The following LTBR variants were observed in gnomAD, a reference collection of about 807,000 sequenced individuals.
LTBR encodes tumor necrosis factor receptor superfamily member 3.
In LTBR, 15 loss-of-function variants were observed where a neutral mutation model predicts 45.4. The ratio of observed to expected loss-of-function variants is 0.33; its 90% CI spans 0.22 to 0.51. The LOEUF is 0.51. Ranked by LOEUF, LTBR falls within the 20% of genes least tolerant of loss-of-function variation. The pLI is 0.97. For synonymous variants in LTBR, 228 were observed against 231.0 expected (o/e 0.99, Z 0.12); for missense variants, 450 against 565.5 (o/e 0.80, Z 2.07).
chr12:6,384,870 T>G (rs1949020795), intron 2 of LTBR, 152 bp from the exon 3 acceptor site: 1 of 1,122,670 alleles, frequency 8.9e-7, no homozygotes, highest in African/African-American at 1.5e-5. Context: ...GGCCTCCTCT[T>G]TCCTTACCTC....
chr12:6,384,324 C>T lies in LTBR; in HGVS notation c.-35C>T, dbSNP rs1326773501. 3 of 1,457,866 alleles carry T rather than the reference C, an allele frequency of 2.1e-6. No homozygotes were observed. The Admixed American group carries it at 8.0e-5, about 39-fold the overall frequency. The allele number at this position is 1,457,866 out of a possible 1,614,324, so 90.3% of individuals were successfully genotyped here. Reference sequence around the variant, plus strand: ...CGGGCCTCCTGCCTTCCTCCCAGGCCCCCACGTTGCTGGCCGCCTGGCCGA... The same window carrying T: ...CGGGCCTCCTGCCTTCCTCCCAGGCTCCCACGTTGCTGGCCGCCTGGCCGA... On this transcript the variant is annotated 5_prime_UTR_variant, in exon 1 of 10. Coordinates refer to ENST00000228918, the MANE Select transcript of LTBR (RefSeq NM_002342.3).
In LTBR at chr12:6,386,152, C is replaced by T; in HGVS notation, c.559C>T (p.Pro187Ser). ...NTSSPSARCQ[P>S]HTRCENQGLV... ...CTCCTCCCCCAGCGCCCGCTGCCAG[C>T]CCCACACCAGGTGAGTGCAGCCCCA... The change falls in exon 5 of 10, where the codon CCC becomes TCC. Residue 187 changes from proline to serine, a missense_variant. This residue lies in a region of LTBR where 367 missense variants were observed against 435.4 expected (regional missense o/e 0.84). Transcript: ENST00000228918. This position sits in a 1 kb window ranked among gnomAD's most constrained non-coding sequence, Gnocchi z 4.1. The T allele has an allele frequency of 1.2e-6, 2 of 1,613,134 alleles. No homozygotes were observed. The highest frequency in any genetic ancestry group is 1.7e-6 in the Non-Finnish European group (2 of 1,179,172).
At chr12:6,375,867 C>T (rs1948897885) in intron 1 of LTBR, 1 of 1,303,928 alleles carries the variant, frequency 7.7e-7, no homozygotes, top group Non-Finnish European at 9.7e-7. Flanking sequence ...GGGTGGGGAA[C>T]CGGGAGGACA....
At chr12:6,387,675 G>A (rs188447648) in intron 6 of LTBR, 2 of 261,720 alleles carry the variant, frequency 7.6e-6, no homozygotes, top group South Asian at 6.2e-5. Flanking sequence ...CGTAGCTGAC[G>A]GACACTGGAG....
upstream of LTBR, among the ~76,000 whole-genome samples, chr12:6,381,579 C>G (rs182813353): frequency 2.1e-3 from 313 of 152,348 alleles, 3 homozygotes; most frequent in African/African-American, 7.0e-3. Context: ...AAGAAACATA[C>G]AGTCCAGCCA....
At chr12:6,378,952 A>G (rs1379754930) in intron 1 of LTBR, among the ~76,000 whole-genome samples, 1 of 152,056 alleles carries the variant, frequency 6.6e-6, no homozygotes, top group Non-Finnish European at 1.5e-5. Context: ...GAGAAGTGAA[A>G]CCAGAGGGGC....
intron 1 of LTBR, chr12:6,377,760 C>T: frequency 1.1e-6 from 1 of 900,248 alleles, no homozygotes; most frequent in South Asian, 1.4e-5. Flanking sequence ...TTTCTATTTG[C>T]CAGCTCATGC....
chr12:6,375,383 C>T (rs1015863029), upstream of LTBR: 3 of 1,481,390 alleles, frequency 2.0e-6, no homozygotes, highest in African/African-American at 4.2e-5. Context: ...TGTCTCTGCC[C>T]CAGGACTGCA....
At position 6,386,214 on chromosome 12, in the gene LTBR, C is replaced by G; in HGVS notation, c.569+52C>G. On this transcript the variant is annotated intron_variant, in intron 5 of 9. Transcript: ENST00000228918. The surrounding 1 kb of genome is among the most constrained non-coding windows in gnomAD (Gnocchi z 4.1). ...TCCACCCTCTGAGAAGCCTCAGCTGCTAACAACCCCCAGCGCCTATCCTTG... is the reference window on the plus strand; with the variant it reads ...TCCACCCTCTGAGAAGCCTCAGCTGGTAACAACCCCCAGCGCCTATCCTTG... 1 of 1,529,120 alleles carries G rather than the reference C, an allele frequency of 6.5e-7. No individual in the cohort carries two copies. The highest frequency in any genetic ancestry group is 9.1e-7 in the Non-Finnish European group (1 of 1,103,994). 94.7% of individuals were successfully genotyped at this position (1,529,120 alleles called of 1,614,324 possible). A position where few individuals can be genotyped will look rare whatever the true frequency, so the allele number is the denominator to read the frequency against.
Position 6,388,118 on chromosome 12 carries a change from T to C in LTBR, c.668-280T>C. The C allele has an allele frequency of 2.3e-6, 1 of 432,424 alleles. No homozygotes were observed. Among genetic ancestry groups the C allele is most frequent in the Non-Finnish European group, 4.3e-6 (1 of 229,928 alleles). 26.8% of individuals were successfully genotyped at this position (432,424 alleles called of 1,614,324 possible). ...CACAAGCCTGCCCAATCCTGGTCTC[T>C]GAGCAGGAGGGCACCCACACCACCC... is the stretch of plus-strand genomic sequence containing the variant. On this transcript the variant is annotated intron_variant, in intron 6 of 9. Coordinates refer to ENST00000228918, the MANE Select transcript of LTBR (RefSeq NM_002342.3). This position sits in a 1 kb window ranked among gnomAD's most constrained non-coding sequence, Gnocchi z 4.3.
At chr12:6,382,337 T>C (rs1293202776), upstream of LTBR, among the ~76,000 whole-genome samples, 5 of 152,188 alleles carry the variant, frequency 3.3e-5, no homozygotes, top group Non-Finnish European at 7.3e-5. Context: ...GACAGTGAGT[T>C]GAAGCTGGGT....
At chr12:6,381,681 G>A (rs1327395905), upstream of LTBR, among the ~76,000 whole-genome samples, 1 of 152,230 alleles carries the variant, frequency 6.6e-6, no homozygotes, top group African/African-American at 2.4e-5. Flanking sequence ...TGTAGTGCAA[G>A]GAACATTCTG....
At chr12:6,389,736 A>G (rs1949088979) in intron 8 of LTBR, 1 of 166,076 alleles carries the variant, frequency 6.0e-6, no homozygotes, top group Non-Finnish European at 1.3e-5. Flanking sequence ...GTGGAGGCGG[A>G]AGTTGCAGTT....
Position 6,390,260 on chromosome 12 carries a change from G to A in LTBR, c.950G>A (p.Gly317Glu), listed in dbSNP as rs780130706. Residue 317 changes from glycine to glutamate, a missense_variant, in exon 9 of 10, where the codon GGG becomes GAG. Gly to Glu is a moderately conservative substitution (Grantham distance 98). Transcript: ENST00000228918. The stretch of plus-strand genomic sequence containing the variant: ...CCCGCAGCCCCAGTTTTGGAGGCAG[G>A]GGTGCCGCAACAGCAGAGTCCTCTG... ...GLPAAPVLEA[G>E]VPQQQSPLDL... The A allele has an allele frequency of 6.2e-7, 1 of 1,614,080 alleles. No individual in the cohort carries two copies. Among genetic ancestry groups the A allele is most frequent in the Non-Finnish European group, 8.5e-7 (1 of 1,180,026 alleles).
chr12:6,387,850 G>A (rs558701796), intron 6 of LTBR: 5 of 455,278 alleles, frequency 1.1e-5, no homozygotes, highest in Middle Eastern at 3.3e-4. Flanking sequence ...TCTACCAGGC[G>A]GCCACAGGCA....
At chr12:6,381,138 G>A (rs1194500824), upstream of LTBR, among the ~76,000 whole-genome samples, 1 of 152,160 alleles carries the variant, frequency 6.6e-6, no homozygotes, top group East Asian at 1.9e-4. Context: ...GGGTGATGGA[G>A]GAGCTGAGAA....
upstream of LTBR, among the ~76,000 whole-genome samples, chr12:6,379,850 A>C (rs952115870): frequency 6.6e-6 from 1 of 151,396 alleles, no homozygotes; most frequent in African/African-American, 2.4e-5. Flanking sequence ...GGAGAATGGC[A>C]TAAAACCGGG....
intron 1 of LTBR, chr12:6,375,915 G>A (rs1237878795): frequency 7.7e-6 from 9 of 1,164,212 alleles, no homozygotes; most frequent in African/African-American, 3.2e-5. Context: ...GAGGGACAGC[G>A]AAGGACAGAG....
At chr12:6,380,560 TG>T (rs1020005418), upstream of LTBR, among the ~76,000 whole-genome samples, 12 of 152,104 alleles carry the variant, frequency 7.9e-5, no homozygotes, top group Non-Finnish European at 1.8e-4. Context: ...GGCGCATGCC[TG>T]TAGTCCCAGC....
Sources: gnomAD v4.1 joint callset for allele counts (sites outside exome capture counted in the v4.1 genomes callset) on GRCh38, gnomAD v4.1.1 for gene constraint, gnomAD v4.1.1 regional missense constraint, Gnocchi (gnomAD v3.1) non-coding constraint, MANE v1.5 for transcripts, NCBI Gene and HGNC (gene_info 2026-07-23, HGNC 2026-07-21) for gene names.